The following SCUBE1 variants were observed in gnomAD, a reference collection of about 807,000 sequenced individuals.
SCUBE1 encodes signal peptide, CUB and EGF-like domain-containing protein 1.
A neutral mutation model predicts 124.4 loss-of-function variants in SCUBE1; 59 were observed. That is an observed-to-expected ratio of 0.47 (90% CI 0.38 to 0.59). The LOEUF is 0.59. Among genes scored for constraint, SCUBE1 ranks in the 20% least tolerant of loss-of-function variants. The pLI is 0.00. For missense variants in SCUBE1, 1,150 were observed against 1,371.2 expected, an observed-to-expected ratio of 0.84 and a Z score of 2.55; for synonymous variants, 545 against 550.9, an observed-to-expected ratio of 0.99 and a Z score of 0.15.
At chr22:43,222,999 CA>C (rs1922158187) in intron 11 of SCUBE1, 97 bp downstream of exon 11, 1 of 1,449,092 alleles carries the variant, frequency 6.9e-7, no homozygotes, top group Non-Finnish European at 9.2e-7. Context: ...ATTCCTAGGT[CA>C]GACTCTTTCC....
intron 6 of SCUBE1, among the ~76,000 whole-genome samples, chr22:43,251,776 T>C (rs1358160863): frequency 6.6e-6 from 1 of 152,190 alleles, no homozygotes; most frequent in African/African-American, 2.4e-5. Context: ...TAAACGTGCG[T>C]CGTCTTAAGC....
chr22:43,238,624 G>C (rs1922866808), intron 7 of SCUBE1: 1 of 640,986 alleles, frequency 1.6e-6, no homozygotes, highest in African/African-American at 1.8e-5. Context: ...CGTGGGACCT[G>C]TGTTCTCTCG....
rs1223181170 is a variant in SCUBE1 at position 43,258,448 on chromosome 22, T to A, written c.611-113A>T. The A allele has an allele frequency of 1.3e-5, 10 of 784,254 alleles. No homozygotes were observed. The highest frequency in any genetic ancestry group is 2.3e-5 in the Non-Finnish European group (10 of 441,094). The allele number at this position is 784,254 out of a possible 1,614,324, so 48.6% of individuals were successfully genotyped here. On this transcript the variant is annotated intron_variant, in intron 5 of 21. Transcript: ENST00000360835. The surrounding 1 kb of genome is among the most constrained non-coding windows in gnomAD (Gnocchi z 5.0). Reference sequence around the variant, plus strand: ...ATGGGGAAACTGAGGCCTAAGGGCATCAGTGGGTAGGGTCATGAGGCTCGC... The same window carrying A: ...ATGGGGAAACTGAGGCCTAAGGGCAACAGTGGGTAGGGTCATGAGGCTCGC...
intron 5 of SCUBE1, among the ~76,000 whole-genome samples, chr22:43,262,030 C>T (rs896247017): frequency 1.3e-5 from 2 of 152,148 alleles, no homozygotes; most frequent in African/African-American, 4.8e-5. Context: ...CTGGACTACA[C>T]GTGGGCCCCG....
chr22:43,272,079 C>T (rs1024665735), intron 4 of SCUBE1, among the ~76,000 whole-genome samples: 2 of 152,162 alleles, frequency 1.3e-5, no homozygotes, highest in Non-Finnish European at 2.9e-5. Flanking sequence ...CCTCATCAGC[C>T]CTGGTACCCA....
chr22:43,259,247 C>T (rs1372542243), intron 5 of SCUBE1, among the ~76,000 whole-genome samples: 3 of 152,182 alleles, frequency 2.0e-5, no homozygotes, highest in Admixed American at 6.5e-5. Flanking sequence ...TTGATGCTGG[C>T]GAGACAGCTG....
At chr22:43,323,820 T>C (rs1479043820) in intron 2 of SCUBE1, among the ~76,000 whole-genome samples, 2 of 152,296 alleles carry the variant, frequency 1.3e-5, no homozygotes, top group East Asian at 3.9e-4. Context: ...ACAAAATACA[T>C]ACAACAATTT....
At chr22:43,316,601 T>C (rs1236270188) in intron 3 of SCUBE1, among the ~76,000 whole-genome samples, 1 of 152,188 alleles carries the variant, frequency 6.6e-6, no homozygotes, top group Non-Finnish European at 1.5e-5. Flanking sequence ...GCCCCACACC[T>C]GCTGCTCCCT....
intron 5 of SCUBE1, among the ~76,000 whole-genome samples, chr22:43,261,700 A>G (rs1459912525): frequency 2.0e-5 from 3 of 152,182 alleles, no homozygotes; most frequent in Admixed American, 2.0e-4. Flanking sequence ...CACCTTCTCT[A>G]TTGGGAGTTG....
chr22:43,239,543 G>A (rs6003121), intron 6 of SCUBE1, among the ~76,000 whole-genome samples: 44,795 of 152,282 alleles, frequency 0.29, 8,255 homozygotes, highest in African/African-American at 0.52. Flanking sequence ...TCCACTTGAA[G>A]CTTGTCTAGT....
At chr22:43,324,663 C>T (rs1344718033) in intron 2 of SCUBE1, among the ~76,000 whole-genome samples, 2 of 151,796 alleles carry the variant, frequency 1.3e-5, no homozygotes, top group African/African-American at 2.4e-5. Context: ...ATCCAGGAGT[C>T]GCCGCCCCTG....
intron 4 of SCUBE1, chr22:43,282,508 A>C (rs2146740915): frequency 6.6e-6 from 1 of 152,286 alleles, no homozygotes; most frequent in South Asian, 2.1e-4. Flanking sequence ...GTCTGGGCCC[A>C]GATGACGCTG....
chr22:43,219,476 T>G (rs1921986762), intron 14 of SCUBE1, among the ~76,000 whole-genome samples: 1 of 133,716 alleles, frequency 7.5e-6, no homozygotes, highest in Non-Finnish European at 1.6e-5. Context: ...GACTAAAACA[T>G]TTCCTTTTTT....
chr22:43,250,210 T>G (rs1923385671), intron 6 of SCUBE1, among the ~76,000 whole-genome samples: 1 of 152,196 alleles, frequency 6.6e-6, no homozygotes, highest in South Asian at 2.1e-4. Flanking sequence ...CCGAAGCTTT[T>G]CCCTCTCCTC....
At chr22:43,329,472 C>A (rs936831609) in intron 2 of SCUBE1, among the ~76,000 whole-genome samples, 1 of 152,248 alleles carries the variant, frequency 6.6e-6, no homozygotes, top group African/African-American at 2.4e-5. Flanking sequence ...TTGGCCCAGG[C>A]CACATAGGGC....
chr22:43,316,616 G>A (rs1289464504), intron 3 of SCUBE1, among the ~76,000 whole-genome samples: 3 of 152,122 alleles, frequency 2.0e-5, no homozygotes, highest in African/African-American at 7.2e-5. Context: ...CTCCCTGCAC[G>A]CACCAGGAGC....
At chr22:43,301,176 C>T (rs1371437479) in intron 3 of SCUBE1, among the ~76,000 whole-genome samples, 1 of 152,186 alleles carries the variant, frequency 6.6e-6, no homozygotes, top group African/African-American at 2.4e-5. Flanking sequence ...ACGAGTACAA[C>T]ACATTCGCTC....
At position 43,204,039 on chromosome 22, in the gene SCUBE1, C is replaced by T. The variant is rs765915144; in HGVS notation, c.2925G>A (p.Leu975=). The change falls in exon 22 of 22, where the codon CTG becomes CTA. Residue 975 remains leucine, a synonymous_variant. Transcript: ENST00000360835. ...GGAACCGAGACACTTTGGAGCGCAGCAGTTTGATGAAGGACCGTGGGAACA... is the reference window on the plus strand; with the variant it reads ...GGAACCGAGACACTTTGGAGCGCAGTAGTTTGATGAAGGACCGTGGGAACA... ...KEMFPRSFIK[L]LRSKVSRFLR... is the part of the protein sequence containing the mutation. 2 of 1,614,146 alleles carry T rather than the reference C, an allele frequency of 1.2e-6. No individual in the cohort carries two copies.
chr22:43,225,703 A>C (rs1012414610), intron 10 of SCUBE1, among the ~76,000 whole-genome samples: 14 of 151,758 alleles, frequency 9.2e-5, no homozygotes, highest in Non-Finnish European at 1.8e-4. Flanking sequence ...TGCCCGGCCA[A>C]ATGTTTCTTT....
Sources: allele counts gnomAD v4.1 joint callset (sites outside exome capture counted in the v4.1 genomes callset), GRCh38; gene constraint gnomAD v4.1.1; non-coding constraint Gnocchi (gnomAD v3.1); transcripts MANE v1.5; gene names NCBI Gene and HGNC (gene_info 2026-07-23, HGNC 2026-07-21).